LSAMP: variants seen among roughly 807,000 people sequenced by gnomAD.
The protein encoded by LSAMP is limbic system associated membrane protein, also known as limbic system-associated membrane protein.
In LSAMP, 7 loss-of-function variants were observed where a neutral mutation model predicts 38.6. The observed-to-expected ratio is 0.18, with a 90% confidence interval of 0.10 to 0.34. The LOEUF is 0.34. Ranked by LOEUF, LSAMP falls within the 10% of genes least tolerant of loss-of-function variation. The probability of loss-of-function intolerance (pLI) is 1.00; values close to 1 mark genes in which losing one functional copy is unlikely to be tolerated. For missense variants in LSAMP, 313 were observed against 420.0 expected (o/e 0.75, Z 2.23); for synonymous variants, 154 against 166.8 (o/e 0.92, Z 0.59).
At chr3:115,872,948 A>G (rs1576171874) in intron 3 of LSAMP, among the ~76,000 whole-genome samples, 2 of 152,212 alleles carry the variant, frequency 1.3e-5, no homozygotes, top group Admixed American at 1.3e-4. Context: ...TAACATATGT[A>G]TGAAACATAT....
chr3:115,841,809 A>G, intron 6 of LSAMP, 36 bp downstream of exon 6: 3 of 1,561,254 alleles, frequency 1.9e-6, no homozygotes, highest in Non-Finnish European at 2.6e-6. Flanking sequence ...AGTCAATTTA[A>G]TTCCATCAAG....
intron 1 of LSAMP, among the ~76,000 whole-genome samples, chr3:116,294,323 T>C (rs2107697538): frequency 6.6e-6 from 1 of 152,338 alleles, no homozygotes; most frequent in South Asian, 2.1e-4. Context: ...ATTTGGGGTC[T>C]TGATTTTACT....
chr3:116,244,932 G>A (rs930883448), intron 1 of LSAMP, among the ~76,000 whole-genome samples: 4 of 152,120 alleles, frequency 2.6e-5, no homozygotes, highest in Admixed American at 2.6e-4. Flanking sequence ...AGTGTTCAGA[G>A]TCCAGTCTAT....
At chr3:116,353,935 C>G (rs974167137) in intron 1 of LSAMP, among the ~76,000 whole-genome samples, 1 of 152,152 alleles carries the variant, frequency 6.6e-6, no homozygotes, top group East Asian at 1.9e-4. Flanking sequence ...TTCCCAATTG[C>G]CTTTCCATTC....
chr3:115,842,919 T>A (rs1443209220), intron 4 of LSAMP, among the ~76,000 whole-genome samples: 8 of 152,208 alleles, frequency 5.3e-5, no homozygotes, highest in Admixed American at 5.2e-4. Context: ...TTTCTTTTTA[T>A]AAATGAAGCA....
At chr3:116,139,436 GTTT>G in intron 1 of LSAMP, among the ~76,000 whole-genome samples, 1 of 152,060 alleles carries the variant, frequency 6.6e-6, no homozygotes, top group East Asian at 1.9e-4. Context: ...GCAAATGATT[GTTT>G]TTACTGCCAT....
chr3:116,162,837 C>A (rs969155734), intron 1 of LSAMP, among the ~76,000 whole-genome samples: 1 of 151,220 alleles, frequency 6.6e-6, no homozygotes, highest in African/African-American at 2.4e-5. Flanking sequence ...GATGTCCCAG[C>A]CTTGATAAAT....
chr3:116,402,872 C>T (rs1242221505), intron 1 of LSAMP, among the ~76,000 whole-genome samples: 1 of 151,882 alleles, frequency 6.6e-6, no homozygotes, highest in African/African-American at 2.4e-5. Flanking sequence ...TGTGTTTTAC[C>T]TGTGCAGTAA....
chr3:115,860,186 C>T (rs761500495), intron 3 of LSAMP, among the ~76,000 whole-genome samples: 3 of 152,186 alleles, frequency 2.0e-5, no homozygotes, highest in Admixed American at 6.5e-5. Flanking sequence ...TGCTAAGTGA[C>T]CCAGATATAT....
At chr3:116,093,578 T>C (rs1436298056) in intron 1 of LSAMP, among the ~76,000 whole-genome samples, 1 of 152,238 alleles carries the variant, frequency 6.6e-6, no homozygotes, top group Non-Finnish European at 1.5e-5. Flanking sequence ...TAGTTAATCA[T>C]GCCCCTTTTG....
chr3:116,346,682 T>G (rs920161742), intron 1 of LSAMP, among the ~76,000 whole-genome samples: 1 of 152,190 alleles, frequency 6.6e-6, no homozygotes, highest in African/African-American at 2.4e-5. Context: ...ACCTTCATTT[T>G]TCAGAATATG....
chr3:116,030,904 A>G (rs1037120513), intron 2 of LSAMP, among the ~76,000 whole-genome samples: 2 of 152,184 alleles, frequency 1.3e-5, no homozygotes, highest in Admixed American at 1.3e-4. Context: ...AGGGGAAGCC[A>G]GTAGGATTTA....
chr3:116,200,996 C>T (rs541758242), intron 1 of LSAMP, among the ~76,000 whole-genome samples: 12 of 152,174 alleles, frequency 7.9e-5, no homozygotes, highest in Non-Finnish European at 1.0e-4. Flanking sequence ...CTGACAGCCA[C>T]AAAAACAGGG....
chr3:116,108,397 C>T (rs1335838777), intron 1 of LSAMP, among the ~76,000 whole-genome samples: 11 of 151,978 alleles, frequency 7.2e-5, no homozygotes, highest in East Asian at 3.9e-4. Flanking sequence ...GAAGCCTGGC[C>T]GTCAATACCC....
At chr3:116,433,442 C>G (rs1261807284) in intron 1 of LSAMP, among the ~76,000 whole-genome samples, 9 of 152,124 alleles carry the variant, frequency 5.9e-5, no homozygotes, top group Admixed American at 5.9e-4. Flanking sequence ...TCCCTCCTAT[C>G]TCACATAAAT....
At chr3:115,953,650 A>G (rs1576251881) in intron 3 of LSAMP, among the ~76,000 whole-genome samples, 3 of 152,292 alleles carry the variant, frequency 2.0e-5, no homozygotes, top group African/African-American at 7.2e-5. Flanking sequence ...TAAAAGGGCA[A>G]GGTTTTAAGG....
intron 3 of LSAMP, among the ~76,000 whole-genome samples, chr3:115,970,704 G>A (rs965931073): frequency 1.3e-5 from 2 of 152,090 alleles, no homozygotes; most frequent in African/African-American, 4.8e-5. Flanking sequence ...AAATATCTGT[G>A]GGGTGTGAAA....
intron 1 of LSAMP, among the ~76,000 whole-genome samples, chr3:116,328,435 T>G (rs2047804191): frequency 6.6e-6 from 1 of 152,212 alleles, no homozygotes; most frequent in Non-Finnish European, 1.5e-5. Context: ...CTAAATAGCA[T>G]ATTCTATTCC....
rs1234245591 is a variant in LSAMP at position 115,808,794 on chromosome 3, A to C, written c.*1523T>G. On this transcript the variant is annotated 3_prime_UTR_variant, in exon 7 of 7. Transcript: ENST00000490035. ...ATCTGCAGAGGAGCACAAGGAGTGAACTGCTTTTCATTATGGCCAGTGCTC... is the reference window on the plus strand; with the variant it reads ...ATCTGCAGAGGAGCACAAGGAGTGACCTGCTTTTCATTATGGCCAGTGCTC... 2.0e-5 allele frequency: 3 copies of C among 152,212 alleles called. No homozygotes were observed. Among genetic ancestry groups the C allele is most frequent in the Non-Finnish European group, 4.4e-5 (3 of 68,058 alleles). The allele number at this position is 152,212 out of a possible 1,614,324, so 9.4% of individuals were successfully genotyped here.
Sources: allele counts gnomAD v4.1 joint callset (sites outside exome capture counted in the v4.1 genomes callset), GRCh38; gene constraint gnomAD v4.1.1; transcripts MANE v1.5; gene names NCBI Gene and HGNC (gene_info 2026-07-23, HGNC 2026-07-21).